Variants in TRPM1 observed in about 807,000 individuals in gnomAD.
TRPM1 encodes TRPM1-203 APA Isoform, Intron 10.
In TRPM1, 113 loss-of-function variants were observed where a neutral mutation model predicts 149.4. That is an observed-to-expected ratio of 0.76 (90% CI 0.65 to 0.88). TRPM1 has a LOEUF of 0.88. Among genes scored for constraint, TRPM1 ranks in the 40% least tolerant of loss-of-function variants. The pLI, the probability that TRPM1 is intolerant of heterozygous loss-of-function variation, is 0.00. For missense variants in TRPM1, 1,976 were observed against 2,038.7 expected (o/e 0.97, Z 0.59); for synonymous variants, 741 against 759.5 (o/e 0.98, Z 0.40).
intron 1 of TRPM1, among the ~76,000 whole-genome samples, chr15:31,117,307 G>A (rs994210194): frequency 1.3e-5 from 2 of 152,044 alleles, no homozygotes; most frequent in African/African-American, 2.4e-5. Flanking sequence ...CCAACATGGC[G>A]AAACCACATC....
In TRPM1 at chr15:31,027,022, G is replaced by A. The variant is rs373696754; in HGVS notation, c.3389C>T (p.Pro1130Leu). 9.9e-6 allele frequency: 16 copies of A among 1,614,162 alleles called. No homozygotes were observed. Among genetic ancestry groups the A allele is most frequent in the Non-Finnish European group, 1.2e-5 (14 of 1,180,038 alleles). Residue 1130 changes from proline to leucine, a missense_variant, in exon 26 of 28, where the codon CCC becomes CTC. Physicochemically the swap from Pro to Leu is moderately conservative, Grantham distance 98. This residue lies in a region of TRPM1 where 72 missense variants were observed against 112.7 expected (regional missense o/e 0.64). Transcript: ENST00000256552. ...GTGGCTTAAAATGATCATCGGTGGG[G>A]GCAGGACTGGCCTGTCATGAAATGT... ...IMTFHDRPVL[P>L]PPMIILSHIY...
chr15:31,094,448 C>T (rs950860229), intron 1 of TRPM1, among the ~76,000 whole-genome samples: 3 of 152,104 alleles, frequency 2.0e-5, no homozygotes, highest in Non-Finnish European at 2.9e-5. Flanking sequence ...GAATGGAATA[C>T]GATATTTGCA....
At chr15:31,142,850 T>G (rs1286193786) in intron 1 of TRPM1, among the ~76,000 whole-genome samples, 1 of 152,200 alleles carries the variant, frequency 6.6e-6, no homozygotes. Flanking sequence ...TGGTGTTAAA[T>G]TTTCTTTGAG....
chr15:31,113,141 C>T (rs940935224), intron 1 of TRPM1, among the ~76,000 whole-genome samples: 1 of 152,148 alleles, frequency 6.6e-6, no homozygotes, highest in Admixed American at 6.5e-5. Context: ...CTCACTGTGT[C>T]TTCTGCCTGA....
At chr15:31,103,766 T>A (rs1164108992), upstream of TRPM1, among the ~76,000 whole-genome samples, 2 of 137,374 alleles carry the variant, frequency 1.5e-5, no homozygotes, top group Non-Finnish European at 3.0e-5. Flanking sequence ...TGAGCTGAGA[T>A]CACACCACTG....
chr15:31,059,481 C>T (rs575536356), intron 11 of TRPM1, among the ~76,000 whole-genome samples: 1 of 152,352 alleles, frequency 6.6e-6, no homozygotes, highest in East Asian at 1.9e-4. Flanking sequence ...TCACAGCTAA[C>T]TGTAACCTCA....
chr15:31,113,502 CTG>C (rs1369021895), intron 1 of TRPM1, among the ~76,000 whole-genome samples: 6 of 151,978 alleles, frequency 3.9e-5, no homozygotes, highest in Admixed American at 6.5e-5. Context: ...AAGACAGTGA[CTG>C]AGAATTTTCC....
chr15:31,118,535 C>A (rs891708637), intron 1 of TRPM1, among the ~76,000 whole-genome samples: 5 of 152,004 alleles, frequency 3.3e-5, no homozygotes, highest in Admixed American at 2.6e-4. Flanking sequence ...ATGGCTTAGT[C>A]AGTTTGGGCT....
At chr15:31,061,559 A>G in intron 9 of TRPM1, 45 bp from the exon 10 acceptor site, 2 of 1,543,824 alleles carry the variant, frequency 1.3e-6, no homozygotes, top group Non-Finnish European at 1.8e-6. Context: ...TGAAAACAAG[A>G]AGGAGATATG....
At chr15:31,140,558 G>T in intron 1 of TRPM1, among the ~76,000 whole-genome samples, 2 of 152,184 alleles carry the variant, frequency 1.3e-5, no homozygotes, top group Non-Finnish European at 2.9e-5. Context: ...TCACGAGTTG[G>T]TTGTTAGAAA....
chr15:31,082,980 C>T (rs372801539), intron 1 of TRPM1, among the ~76,000 whole-genome samples: 24 of 151,820 alleles, frequency 1.6e-4, no homozygotes, highest in African/African-American at 4.1e-4. Flanking sequence ...CAGGTGGGGG[C>T]GACCCACAAG....
At chr15:31,117,442 T>C (rs11630489) in intron 1 of TRPM1, among the ~76,000 whole-genome samples, 61,670 of 151,526 alleles carry the variant, frequency 0.41, 13,193 homozygotes, top group East Asian at 0.73. Flanking sequence ...CCCGAGATCG[T>C]GCCACTGCAC....
intron 27 of TRPM1, 62 bp downstream of exon 27, chr15:31,026,073 TAGAG>T: frequency 1.9e-6 from 3 of 1,596,804 alleles, no homozygotes; most frequent in Non-Finnish European, 2.6e-6. Flanking sequence ...GCATCCCCCA[TAGAG>T]TGGGGCGCCC....
chr15:31,109,332 TCAAAA>T (rs2035651115), intron 1 of TRPM1, among the ~76,000 whole-genome samples: 1 of 8,820 alleles, frequency 1.1e-4, no homozygotes, highest in African/African-American at 3.4e-4. Context: ...AGACTCTGCC[TCAAAA>T]AAAAAAAAAA....
intron 1 of TRPM1, among the ~76,000 whole-genome samples, chr15:31,129,564 T>C (rs1042964005): frequency 6.6e-6 from 1 of 152,216 alleles, no homozygotes; most frequent in African/African-American, 2.4e-5. Flanking sequence ...TATTTTGACC[T>C]ACAAAGATGG....
chr15:31,134,934 C>T (rs1166289943), intron 1 of TRPM1, among the ~76,000 whole-genome samples: 3 of 152,070 alleles, frequency 2.0e-5, no homozygotes, highest in Non-Finnish European at 4.4e-5. Flanking sequence ...ATCTGGGAGG[C>T]AGCGGAGGTT....
intron 1 of TRPM1, among the ~76,000 whole-genome samples, chr15:31,100,118 C>T (rs535749415): frequency 2.1e-4 from 32 of 149,286 alleles, no homozygotes; most frequent in African/African-American, 7.4e-4. Flanking sequence ...CTCACTCTGT[C>T]GCCCAGGCTG....
In TRPM1 at chr15:31,040,483, G is replaced by T; in HGVS notation, c.2088-137C>A. On this transcript the variant is annotated intron_variant, in intron 17 of 27. Transcript: ENST00000256552. This position sits in a 1 kb window ranked among gnomAD's most constrained non-coding sequence, Gnocchi z 4.2. ...GGAGGGGCTCTGAGGTTCTCTGCAA[G>T]CAAGAAGCTCCAGGGATGTGTCCCC... The T allele has an allele frequency of 1.3e-6, 1 of 757,614 alleles. No homozygotes were observed. The highest frequency in any genetic ancestry group is 2.3e-6 in the Non-Finnish European group (1 of 444,102). The allele number at this position is 757,614 out of a possible 1,614,324, so 46.9% of individuals were successfully genotyped here. A position where few individuals can be genotyped will look rare whatever the true frequency, so the allele number is the denominator to read the frequency against.
intron 1 of TRPM1, among the ~76,000 whole-genome samples, chr15:31,087,231 A>ATGTTTTTTT (rs2035026518): frequency 1.7e-5 from 1 of 59,402 alleles, no homozygotes; most frequent in African/African-American, 7.1e-5. Flanking sequence ...CTCAATAGGG[A>ATGTTTTTTT]TTTTTTTTTT....
Sources: gnomAD v4.1 joint callset for allele counts (sites outside exome capture counted in the v4.1 genomes callset) on GRCh38, gnomAD v4.1.1 for gene constraint, gnomAD v4.1.1 regional missense constraint, Gnocchi (gnomAD v3.1) non-coding constraint, MANE v1.5 for transcripts, NCBI Gene and HGNC (gene_info 2026-07-23, HGNC 2026-07-21) for gene names.